The following RGS10 variants were observed in gnomAD, a reference collection of about 807,000 sequenced individuals.
The protein encoded by RGS10 is regulator of G-protein signalling 10.
Under a neutral mutation model 23.5 loss-of-function variants are expected in RGS10, and 11 were observed. That is an observed-to-expected ratio of 0.47 (90% CI 0.29 to 0.77). The LOEUF is 0.77. RGS10 is among the 30% of genes least tolerant of loss of function. The pLI is 0.08. For missense variants in RGS10, 180 were observed against 226.3 expected, an observed-to-expected ratio of 0.80 and a Z score of 1.31; for synonymous variants, 77 against 83.2, an observed-to-expected ratio of 0.92 and a Z score of 0.41.
chr10:119,527,600 A>G lies in RGS10; in HGVS notation c.50-176T>C. 1.7e-6 allele frequency: 1 copy of G among 597,624 alleles called. No homozygotes were observed. Among genetic ancestry groups the G allele is most frequent in the Non-Finnish European group, 3.0e-6 (1 of 333,564 alleles). The allele number at this position is 597,624 out of a possible 1,614,324, so 37.0% of individuals were successfully genotyped here. On this transcript the variant is annotated intron_variant, in intron 1 of 4. Coordinates refer to ENST00000369103, the MANE Select transcript of RGS10 (RefSeq NM_001005339.2). This position sits in a 1 kb window ranked among gnomAD's most constrained non-coding sequence, Gnocchi z 4.2. ...CTCATTCTTGTCACACAACCCTGTA[A>G]GGCAGGCACTACTATTTCCTCCATT... is the stretch of plus-strand genomic sequence containing the variant.
chr10:119,540,278 T>A (rs868408137), intron 1 of RGS10, among the ~76,000 whole-genome samples: 8 of 152,112 alleles, frequency 5.3e-5, no homozygotes, highest in African/African-American at 1.9e-4. Context: ...TTTCTTTGGA[T>A]CTCACTCTGT....
At chr10:119,534,501 G>A (rs144343391) in intron 1 of RGS10, among the ~76,000 whole-genome samples, 1 of 145,374 alleles carries the variant, frequency 6.9e-6, no homozygotes, top group African/African-American at 2.5e-5. Flanking sequence ...TGAGGCAGAA[G>A]AATTGCTTGA....
At chr10:119,511,782 T>G (rs1844078971) in intron 4 of RGS10, among the ~76,000 whole-genome samples, 2 of 152,094 alleles carry the variant, frequency 1.3e-5, no homozygotes, top group Admixed American at 1.3e-4. Context: ...CGTGTGGCAA[T>G]GGAGGTCCCC....
chr10:119,536,447 T>TG, intron 1 of RGS10: 1 of 1,611,774 alleles, frequency 6.2e-7, no homozygotes, highest in East Asian at 2.2e-5. Context: ...TGGAAAGGGG[T>TG]GGGGGCGATT....
chr10:119,542,704 CGAGGAGGAGGAGGAGGGCGAG>C (rs1432532340), exon 1 of RGS10: 15 of 1,265,012 alleles, frequency 1.2e-5, no homozygotes, highest in East Asian at 2.0e-4. Flanking sequence ...CGGAGGAAGG[CGAGGAGGAGGAGGAGGGCGAG>C]GAGGAGGAGG....
At chr10:119,526,714 C>T (rs1283936309) in intron 2 of RGS10, among the ~76,000 whole-genome samples, 2 of 152,290 alleles carry the variant, frequency 1.3e-5, no homozygotes, top group East Asian at 3.9e-4. Flanking sequence ...CCAACAGGCA[C>T]CAACTGCATG....
chr10:119,513,665 T>C (rs181050706), intron 4 of RGS10, among the ~76,000 whole-genome samples: 145 of 152,276 alleles, frequency 9.5e-4, no homozygotes, highest in Middle Eastern at 3.4e-3. Context: ...GAGCCTGCAG[T>C]GCTACCGCAT....
chr10:119,503,327 C>A (rs1318680478), intron 4 of RGS10, among the ~76,000 whole-genome samples: 2 of 148,190 alleles, frequency 1.3e-5, no homozygotes, highest in African/African-American at 2.5e-5. Flanking sequence ...GTGATAGAGC[C>A]AGACCCTGTC....
At chr10:119,532,952 A>T (rs1244163472) in intron 1 of RGS10, among the ~76,000 whole-genome samples, 2 of 151,556 alleles carry the variant, frequency 1.3e-5, no homozygotes, top group East Asian at 3.9e-4. Flanking sequence ...AGGTGGAAGG[A>T]TCACTCGAGC....
At chr10:119,516,703 C>T (rs41308649) in intron 3 of RGS10, among the ~76,000 whole-genome samples, 84 of 152,222 alleles carry the variant, frequency 5.5e-4, no homozygotes, top group Non-Finnish European at 1.0e-3. Flanking sequence ...CTGTTTCACC[C>T]GAAACTAACC....
rs1179600428 is a variant in RGS10 at position 119,538,041 on chromosome 10, A to C, written c.49+4549T>G. ...CTTTCCTACTATTGGGGGTGTTAAA[A>C]TGTCCTTTTCTGTGTGAAATGATAA... On this transcript the variant is annotated intron_variant, in intron 1 of 4. Transcript: ENST00000369103. This position sits in a 1 kb window ranked among gnomAD's most constrained non-coding sequence, Gnocchi z 4.5. Among the ~76,000 whole-genome samples the C allele has an allele frequency of 1.3e-5, 2 of 151,462 alleles. No individual in the cohort carries two copies. Among genetic ancestry groups the C allele is most frequent in the Non-Finnish European group, 2.9e-5 (2 of 67,888 alleles).
intron 4 of RGS10, among the ~76,000 whole-genome samples, chr10:119,502,506 G>GGTT (rs1843963808): frequency 1.3e-5 from 2 of 152,176 alleles, no homozygotes; most frequent in South Asian, 4.2e-4. Flanking sequence ...ATGTGGGAGA[G>GGTT]GAACATCCTG....
intron 4 of RGS10, 39 bp from the exon 5 acceptor site, chr10:119,500,298 T>G: frequency 6.3e-7 from 1 of 1,577,422 alleles, no homozygotes; most frequent in Non-Finnish European, 8.6e-7. Flanking sequence ...AGGCTGAGGC[T>G]AATCCAGGCC....
At chr10:119,533,681 A>C (rs570832675) in intron 1 of RGS10, among the ~76,000 whole-genome samples, 1 of 152,350 alleles carries the variant, frequency 6.6e-6, no homozygotes, top group Non-Finnish European at 1.5e-5. Flanking sequence ...AATGTCAGGC[A>C]TGTTCTCCAG....
At chr10:119,514,154 G>A (rs61874688) in intron 4 of RGS10, among the ~76,000 whole-genome samples, 23,815 of 152,018 alleles carry the variant, frequency 0.16, 2,034 homozygotes, top group South Asian at 0.3. Context: ...CCAGGAGTTC[G>A]GGACCAGCCT....
chr10:119,539,597 C>T (rs949418920), intron 1 of RGS10, among the ~76,000 whole-genome samples: 14 of 152,142 alleles, frequency 9.2e-5, no homozygotes, highest in African/African-American at 3.4e-4. Context: ...CAAAGACAAG[C>T]CCCACCTACA....
At chr10:119,505,273 T>A (rs969385026) in intron 4 of RGS10, among the ~76,000 whole-genome samples, 2 of 149,788 alleles carry the variant, frequency 1.3e-5, no homozygotes, top group African/African-American at 4.9e-5. Flanking sequence ...AACAAACGGC[T>A]GCTGGTGAAG....
chr10:119,501,694 G>A (rs1252338988), intron 4 of RGS10, among the ~76,000 whole-genome samples: 1 of 152,000 alleles, frequency 6.6e-6, no homozygotes, highest in Non-Finnish European at 1.5e-5. Flanking sequence ...CTGCACTCCA[G>A]CCTGGGCAAC....
At chr10:119,506,941 C>G (rs1402575406) in intron 4 of RGS10, among the ~76,000 whole-genome samples, 1 of 152,172 alleles carries the variant, frequency 6.6e-6, no homozygotes, top group Admixed American at 6.5e-5. Flanking sequence ...CTTTGTCATC[C>G]TCCCGCCTCA....
Sources: gnomAD v4.1 joint callset for allele counts (sites outside exome capture counted in the v4.1 genomes callset) on GRCh38, gnomAD v4.1.1 for gene constraint, Gnocchi (gnomAD v3.1) non-coding constraint, MANE v1.5 for transcripts, NCBI Gene and HGNC (gene_info 2026-07-23, HGNC 2026-07-21) for gene names.